Variants in AGRN observed in about 807,000 individuals in gnomAD.
AGRN encodes agrin.
AGRN carries 106 observed loss-of-function variants against 211.0 expected under a neutral mutation model. The ratio of observed to expected loss-of-function variants is 0.50; its 90% confidence interval spans 0.43 to 0.59. AGRN has a LOEUF of 0.59. Ranked by LOEUF, AGRN falls within the 20% of genes least tolerant of loss-of-function variation. The pLI, the probability that AGRN is intolerant of heterozygous loss-of-function variation, is 0.00. For synonymous variants in AGRN, 1,525 were observed against 1,332.5 expected (o/e 1.14, Z -3.15); for missense variants, 3,040 against 2,982.6 (o/e 1.02, Z -0.45).
rs1489220112 is a variant in AGRN at position 1,041,405 on chromosome 1, C to T, written c.952+8C>T. 3 of 1,543,650 alleles carry T rather than the reference C, an allele frequency of 1.9e-6. No homozygotes were observed. The highest frequency in any genetic ancestry group is 2.4e-5 in the East Asian group (1 of 41,912). ...AGTTCGACGGCCCTTGTGGTGAGCG[C>T]GGCGGCGGGCGCACGGCTCGAGCTC... On this transcript the variant is annotated splice_region_variant and intron_variant, in intron 5 of 35. Transcript: ENST00000379370.
chr1:1,045,955 G>C lies in AGRN; in HGVS notation c.2681-9G>C, dbSNP rs749091157. ...CGAGCCACAGAGGTTTCCCATGCCC[G>C]TGCCCCAGACGCTTCTGCGCCTGCG... On this transcript the variant is annotated splice_polypyrimidine_tract_variant and intron_variant, in intron 15 of 35. Coordinates refer to ENST00000379370, the MANE Select transcript of AGRN (RefSeq NM_198576.4). 2 of 1,613,286 alleles carry C rather than the reference G, an allele frequency of 1.2e-6. No individual in the cohort carries two copies. Among genetic ancestry groups the C allele is most frequent in the African/African-American group, 1.3e-5 (1 of 75,046 alleles).
chr1:1,053,553 T>C, intron 33 of AGRN, 200 bp from the exon 34 acceptor site: 3 of 1,517,884 alleles, frequency 2.0e-6, no homozygotes, highest in Non-Finnish European at 2.7e-6. Flanking sequence ...CTCCCGCCCG[T>C]CTCTCTGATC....
intron 7 of AGRN, 69 bp from the exon 8 acceptor site, chr1:1,043,170 G>T (rs1338323531): frequency 1.3e-6 from 2 of 1,506,424 alleles, no homozygotes; most frequent in African/African-American, 2.8e-5. Flanking sequence ...ACTGCTGCGT[G>T]GGGCTGGGGG....
At chr1:1,053,410 T>C (rs1032491619) in intron 33 of AGRN, 9 of 1,344,168 alleles carry the variant, frequency 6.7e-6, no homozygotes, top group African/African-American at 1.5e-5. Flanking sequence ...GGGTTTGCAT[T>C]GGCCCCGCCT....
chr1:1,047,608 G>A lies in AGRN; in HGVS notation c.3552G>A (p.Lys1184=), dbSNP rs200738126. ...DDLFRNSDVK[K]DFRSVRLRDL... is the part of the protein sequence containing the mutation. ...TCTTCCGGAATTCAGACGTCAAGAAGGATTTTCGGAGTGTCCGCTTGCGGG... is the reference window on the plus strand; with the variant it reads ...TCTTCCGGAATTCAGACGTCAAGAAAGATTTTCGGAGTGTCCGCTTGCGGG... The change falls in exon 21 of 36, where the codon AAG becomes AAA. Residue 1184 remains lysine, a synonymous_variant. Coordinates refer to ENST00000379370, the MANE Select transcript of AGRN (RefSeq NM_198576.4). 1.2e-4 allele frequency: 198 copies of A among 1,613,006 alleles called. 3 individuals carry two copies. The East Asian group carries it at 4.3e-3, about 35-fold the overall frequency.
At chr1:1,053,718 T>G in intron 33 of AGRN, 35 bp from the exon 34 acceptor site, 1 of 1,275,628 alleles carries the variant, frequency 7.8e-7, no homozygotes, top group Non-Finnish European at 1.1e-6. Context: ...TGTTGCCACC[T>G]TCCTAGAGGC....
intron 29 of AGRN, 63 bp downstream of exon 29, chr1:1,050,654 G>A: frequency 6.2e-7 from 1 of 1,603,646 alleles, no homozygotes; most frequent in Non-Finnish European, 8.5e-7. Context: ...GGCACCAGCA[G>A]GTCGCTCAGG....
intron 33 of AGRN, chr1:1,052,397 ATGTG>A (rs61654105): frequency 3.2e-6 from 1 of 315,568 alleles, no homozygotes; most frequent in Non-Finnish European, 6.2e-6. Context: ...GTCCATGTAT[ATGTG>A]TGTGTGTATA....
chr1:1,026,446 C>T (rs1009109301), intron 2 of AGRN, among the ~76,000 whole-genome samples: 2 of 152,284 alleles, frequency 1.3e-5, no homozygotes, highest in East Asian at 3.9e-4. Context: ...GCCACAGGTC[C>T]GGCCAGAGGT....
At position 1,049,961 on chromosome 1, in the gene AGRN, G is replaced by A. The variant is rs527291702; in HGVS notation, c.4803G>A (p.Ala1601=). Residue 1601 remains alanine (A), a synonymous_variant, in exon 27 of 36, where the codon GCG becomes GCA. Transcript: ENST00000379370. ...PCQPNPCHGA[A]PCRVLPEGGA... ...AGCCCAACCCCTGCCATGGGGCGGC[G>A]CCCTGCCGTGTGCTGCCCGAGGGTG... is the stretch of plus-strand genomic sequence containing the variant. The A allele has an allele frequency of 1.2e-5, 20 of 1,612,032 alleles. No homozygotes were observed. The highest frequency in any genetic ancestry group is 5.5e-5 in the South Asian group (5 of 91,050).
In AGRN at chr1:1,047,894, T is replaced by G. The variant is rs138818746; in HGVS notation, c.3750T>G (p.Phe1250Leu). ...AGGAGCACGTGCGATTTATGGACTT[T>G]GGTGAGCGCCAGGCCACGAGCCACA... ...PLQEHVRFMD[F>L]DWFPAFITGA... The change falls in exon 22 of 36, where the codon TTT (phenylalanine) becomes TTG (leucine). Residue 1250 changes from phenylalanine (F) to leucine (L), a missense_variant and splice_region_variant. Around this residue, in one of 3 missense-constraint regions of AGRN, gnomAD observed 1,537 missense variants for 1,505.0 expected, o/e 1.02. Transcript: ENST00000379370. 1.9e-6 allele frequency: 3 copies of G among 1,603,282 alleles called. No homozygotes were observed. The East Asian group carries it at 6.8e-5, about 36-fold the overall frequency.
chr1:1,027,479 C>T (rs1644545780), intron 2 of AGRN, among the ~76,000 whole-genome samples: 1 of 152,196 alleles, frequency 6.6e-6, no homozygotes, highest in Admixed American at 6.5e-5. Flanking sequence ...TGTCTCGCCT[C>T]AGCTTGCTGT....
Position 1,051,324 on chromosome 1 carries a change from C to T in AGRN, c.5325C>T (p.Ala1775=), listed in dbSNP as rs1645280773. The T allele has an allele frequency of 5.1e-6, 8 of 1,568,922 alleles. No individual in the cohort carries two copies. Among genetic ancestry groups the T allele is most frequent in the Non-Finnish European group, 4.3e-6 (5 of 1,157,656 alleles). ...GCGCTCCCGACTTCAGCAAGCTGGC[C>T]CGTGCTGCTGCCGTGTCCTCTGGCT... is the stretch of plus-strand genomic sequence containing the variant. The part of the protein sequence containing the change: ...VGGAPDFSKL[A]RAAAVSSGFD... Residue 1775 remains alanine (A), a synonymous_variant, in exon 31 of 36, where the codon GCC becomes GCT. Coordinates refer to ENST00000379370, the MANE Select transcript of AGRN (RefSeq NM_198576.4).
chr1:1,022,125 C>A, intron 1 of AGRN, 76 bp from the exon 2 acceptor site: 2 of 1,582,118 alleles, frequency 1.3e-6, no homozygotes, highest in South Asian at 2.2e-5. Context: ...GACATTTGCC[C>A]TAAACACCTA....
At position 1,048,513 on chromosome 1, in the gene AGRN, G is replaced by A. The variant is rs1356989823; in HGVS notation, c.4105+148G>A. The A allele has an allele frequency of 4.1e-6, 3 of 727,584 alleles. No homozygotes were observed. Among genetic ancestry groups the A allele is most frequent in the African/African-American group, 3.6e-5 (2 of 55,510 alleles). 45.1% of individuals were successfully genotyped at this position (727,584 alleles called of 1,614,324 possible). On this transcript the variant is annotated intron_variant, in intron 23 of 35. Coordinates refer to ENST00000379370, the MANE Select transcript of AGRN (RefSeq NM_198576.4). This position sits in a 1 kb window ranked among gnomAD's most constrained non-coding sequence, Gnocchi z 5.9. ...CGGCCAGATGCGGTGGCTCACGCCTGTAATCCCAGCACTTTGGGAGGCCGA... is the reference window on the plus strand; with the variant it reads ...CGGCCAGATGCGGTGGCTCACGCCTATAATCCCAGCACTTTGGGAGGCCGA...
At chr1:1,034,355 C>T (rs888841862) in intron 2 of AGRN, 5 of 985,418 alleles carry the variant, frequency 5.1e-6, no homozygotes, top group South Asian at 4.7e-5. Flanking sequence ...GAATTCTGCC[C>T]TCCTCCCACG....
rs1372789361 is a variant in AGRN at position 1,048,168 on chromosome 1, C to T, written c.3908C>T (p.Ala1303Val). 6.3e-7 allele frequency: 1 copy of T among 1,578,876 alleles called. No homozygotes were observed. Among genetic ancestry groups the T allele is most frequent in the Non-Finnish European group, 8.6e-7 (1 of 1,168,618 alleles). ...AGCCAGCCCGTTGCCAAGACCACGGCAGCCCCCACCACACGTCGGCCCCCC... is the reference window on the plus strand; with the variant it reads ...AGCCAGCCCGTTGCCAAGACCACGGTAGCCCCCACCACACGTCGGCCCCCC... ...HTSQPVAKTT[A>V]APTTRRPPTT... Residue 1303 changes from alanine to valine, a missense_variant, in exon 23 of 36, where the codon GCA becomes GTA. Ala to Val is a moderately conservative substitution (Grantham distance 64). Transcript: ENST00000379370. This position sits in a 1 kb window ranked among gnomAD's most constrained non-coding sequence, Gnocchi z 5.9.
At chr1:1,038,660 C>T (rs1644856393) in intron 3 of AGRN, among the ~76,000 whole-genome samples, 1 of 152,192 alleles carries the variant, frequency 6.6e-6, no homozygotes, top group South Asian at 2.1e-4. Context: ...GAGAAAGGCT[C>T]AGGAGCCCTG....
intron 2 of AGRN, among the ~76,000 whole-genome samples, chr1:1,028,259 C>T (rs994215007): frequency 1.3e-5 from 2 of 150,550 alleles, no homozygotes; most frequent in African/African-American, 4.9e-5. Context: ...TGGGAGCAAG[C>T]TGATTCCTGC....
Sources: gnomAD v4.1 joint callset for allele counts (sites outside exome capture counted in the v4.1 genomes callset) on GRCh38, gnomAD v4.1.1 for gene constraint, gnomAD v4.1.1 regional missense constraint, Gnocchi (gnomAD v3.1) non-coding constraint, MANE v1.5 for transcripts, NCBI Gene and HGNC (gene_info 2026-07-23, HGNC 2026-07-21) for gene names.